The following CKMT2 variants were observed in gnomAD, a reference collection of about 807,000 sequenced individuals.
CKMT2 encodes creatine kinase, mitochondrial 2.
In CKMT2, 43 loss-of-function variants were observed where a neutral mutation model predicts 48.9. The observed-to-expected ratio is 0.88, with a 90% confidence interval of 0.69 to 1.13. The LOEUF (loss-of-function observed/expected upper bound fraction) is 1.13, where lower values mean the gene tolerates loss of function less well. Ranked by LOEUF, CKMT2 falls within the 50% of genes most tolerant of loss-of-function variation. The probability of loss-of-function intolerance (pLI) is 0.00; values close to 1 mark genes in which losing one functional copy is unlikely to be tolerated. For missense variants in CKMT2, 472 were observed against 555.4 expected (o/e 0.85, Z 1.51); for synonymous variants, 206 against 213.0 (o/e 0.97, Z 0.29).
Position 81,255,164 on chromosome 5 carries a change from T to C in CKMT2, c.619T>C (p.Tyr207His), listed in dbSNP as rs2112810637. The change falls in exon 5 of 10, where the codon TAC (tyrosine) becomes CAC (histidine). Residue 207 changes from tyrosine (Y) to histidine (H), a missense_variant. Tyr to His is a moderately conservative substitution (Grantham distance 83). Transcript: ENST00000254035. ...EGLKGDLAGR[Y>H]YKLSEMTEQD... Reference sequence around the variant, plus strand: ...CCTCAAGGGGGACCTGGCTGGCCGCTACTACAAGCTGTCCGAGATGACGGA... The same window carrying C: ...CCTCAAGGGGGACCTGGCTGGCCGCCACTACAAGCTGTCCGAGATGACGGA... The C allele has an allele frequency of 6.2e-7, 1 of 1,614,092 alleles. No individual in the cohort carries two copies. Among genetic ancestry groups the C allele is most frequent in the South Asian group, 1.1e-5 (1 of 91,080 alleles).
intron 1 of CKMT2, among the ~76,000 whole-genome samples, chr5:81,237,411 A>G (rs2112777829): frequency 6.6e-6 from 1 of 152,186 alleles, no homozygotes; most frequent in South Asian, 2.1e-4. Flanking sequence ...TCGGGTGGGT[A>G]CCAAGCAGGG....
rs551968443 is a variant in CKMT2, at chr5:81,255,337, C to A, written c.669+123C>A. On this transcript the variant is annotated intron_variant, in intron 5 of 9. Coordinates refer to ENST00000254035, the MANE Select transcript of CKMT2 (RefSeq NM_001099735.2). Reference sequence around the variant, plus strand: ...GCTGGGAGCTTGCTGGGCTCCACCCCTGAGCTCAGCCCAAGAGCATCTACT... The same window carrying A: ...GCTGGGAGCTTGCTGGGCTCCACCCATGAGCTCAGCCCAAGAGCATCTACT... 5.8e-5 allele frequency: 46 copies of A among 799,658 alleles called. No individual in the cohort carries two copies. The South Asian group carries it at 6.8e-4, about 12-fold the overall frequency. 49.5% of individuals were successfully genotyped at this position (799,658 alleles called of 1,614,324 possible). A position where few individuals can be genotyped will look rare whatever the true frequency, so the allele number is the denominator to read the frequency against.
At chr5:81,252,645 C>G in intron 2 of CKMT2, 50 bp from the exon 3 acceptor site, 1 of 1,591,798 alleles carries the variant, frequency 6.3e-7, no homozygotes, top group South Asian at 1.1e-5. Flanking sequence ...TTCCATTGGC[C>G]CCTTTCCTCG....
intron 3 of CKMT2, 47 bp downstream of exon 3, chr5:81,252,940 T>C (rs1414059118): frequency 1.3e-6 from 2 of 1,596,726 alleles, no homozygotes; most frequent in South Asian, 2.2e-5. Flanking sequence ...ATGCTCTGGA[T>C]ATGACTGACT....
At chr5:81,259,367 C>T (rs1165991392) in intron 8 of CKMT2, 113 bp downstream of exon 8, 1 of 952,768 alleles carries the variant, frequency 1.0e-6, no homozygotes, top group Non-Finnish European at 1.4e-6. Flanking sequence ...TCTCTATCTA[C>T]AATATAAAAA....
chr5:81,254,756 A>G, intron 4 of CKMT2: 2 of 596,550 alleles, frequency 3.4e-6, no homozygotes, highest in Non-Finnish European at 5.9e-6. Context: ...TTCATCCCAA[A>G]CCACCCAGTG....
At chr5:81,234,040 A>AAAC (rs1554044427) in intron 1 of CKMT2, among the ~76,000 whole-genome samples, 2 of 151,328 alleles carry the variant, frequency 1.3e-5, no homozygotes, top group African/African-American at 4.9e-5. Flanking sequence ...AAAAAAAAAA[A>AAAC]AAAAAACCTA....
At chr5:81,264,197 T>C (rs1026883941) in intron 9 of CKMT2, among the ~76,000 whole-genome samples, 1 of 152,238 alleles carries the variant, frequency 6.6e-6, no homozygotes, top group Non-Finnish European at 1.5e-5. Context: ...AAAGGATTCA[T>C]AGACTTTGTG....
At chr5:81,255,603 C>CG (rs1561284483) in intron 5 of CKMT2, among the ~76,000 whole-genome samples, 1 of 152,002 alleles carries the variant, frequency 6.6e-6, no homozygotes, top group Admixed American at 6.6e-5. Flanking sequence ...CTGGAAGCTA[C>CG]AAAAATCTAG....
At chr5:81,249,733 T>C (rs1348602062) in intron 1 of CKMT2, among the ~76,000 whole-genome samples, 1 of 152,232 alleles carries the variant, frequency 6.6e-6, no homozygotes, top group Non-Finnish European at 1.5e-5. Context: ...ATTGATCTGT[T>C]TTTTATCAAT....
intron 9 of CKMT2, among the ~76,000 whole-genome samples, chr5:81,264,427 CT>C (rs1757328117): frequency 6.6e-6 from 1 of 152,224 alleles, no homozygotes; most frequent in Non-Finnish European, 1.5e-5. Flanking sequence ...GTTCTCTCTT[CT>C]TCCTTACCAG....
Position 81,252,719 on chromosome 5 carries a change from G to A in CKMT2, c.177G>A (p.Lys59=). ...PPSADYPDLR[K]HNNCMAECLT... The stretch of plus-strand genomic sequence containing the variant: ...GCGCAGACTACCCAGACCTGCGCAA[G>A]CACAACAACTGCATGGCCGAGTGCC... Residue 59 remains lysine (K), a synonymous_variant, in exon 3 of 10, where the codon AAG becomes AAA. Transcript: ENST00000254035. 6.2e-7 allele frequency: 1 copy of A among 1,614,196 alleles called. No individual in the cohort carries two copies. The highest frequency in any genetic ancestry group is 1.6e-4 in the Middle Eastern group (1 of 6,062).
At chr5:81,257,251 G>A (rs1273158736) in intron 6 of CKMT2, among the ~76,000 whole-genome samples, 1 of 151,834 alleles carries the variant, frequency 6.6e-6, no homozygotes, top group Admixed American at 6.6e-5. Context: ...TGTGCCTGAA[G>A]GAGCAGAAAT....
Position 81,259,212 on chromosome 5 carries a change from A to C in CKMT2, c.972A>C (p.Gly324=). The change falls in exon 8 of 10, where the codon GGA becomes GGC. Residue 324 remains glycine, a synonymous_variant. Transcript: ENST00000254035. The part of the protein sequence containing the change: ...ILTCPSNLGT[G]LRAGVHVRIP... ...CCTGTCCTTCGAACCTTGGAACAGG[A>C]CTACGAGCTGGTGTCCACGTTAGGA... 4 of 1,614,088 alleles carry C rather than the reference A, an allele frequency of 2.5e-6. No individual in the cohort carries two copies. Among genetic ancestry groups the C allele is most frequent in the East Asian group, 2.2e-5 (1 of 44,866 alleles).
At chr5:81,260,964 T>G (rs1207644369) in intron 8 of CKMT2, among the ~76,000 whole-genome samples, 1 of 152,240 alleles carries the variant, frequency 6.6e-6, no homozygotes, top group Non-Finnish European at 1.5e-5. Flanking sequence ...GTGAAAATCC[T>G]CAATAAAATA....
chr5:81,238,791 G>C (rs1371289634), intron 1 of CKMT2: 1 of 152,356 alleles, frequency 6.6e-6, no homozygotes, highest in Non-Finnish European at 1.5e-5. Flanking sequence ...ACCTCTTCTA[G>C]AAAGCCCTCT....
At chr5:81,234,979 G>A (rs922909000) in intron 1 of CKMT2, among the ~76,000 whole-genome samples, 29 of 152,180 alleles carry the variant, frequency 1.9e-4, no homozygotes, top group Admixed American at 1.9e-3. Flanking sequence ...GTGACTGCTG[G>A]AGGTCACACT....
rs1419042997 is a variant in CKMT2 at position 81,263,509 on chromosome 5, A to G, written c.1033A>G (p.Ile345Val). 2 of 1,612,964 alleles carry G rather than the reference A, an allele frequency of 1.2e-6. No homozygotes were observed. Among genetic ancestry groups the G allele is most frequent in the Middle Eastern group, 3.3e-4 (2 of 6,052 alleles). The change falls in exon 9 of 10, where the codon ATC becomes GTC. Residue 345 changes from isoleucine to valine, a missense_variant. By Grantham distance (29) the Ile-to-Val change is conservative. Coordinates refer to ENST00000254035, the MANE Select transcript of CKMT2 (RefSeq NM_001099735.2). ...GTCCTAGGACCCACGCTTTTCTAAGATCCTGGAAAACCTAAGACTCCAGAA... is the reference window on the plus strand; with the variant it reads ...GTCCTAGGACCCACGCTTTTCTAAGGTCCTGGAAAACCTAAGACTCCAGAA... ...KLSKDPRFSK[I>V]LENLRLQKRG...
At chr5:81,260,509 A>C (rs1757178218) in intron 8 of CKMT2, among the ~76,000 whole-genome samples, 1 of 152,214 alleles carries the variant, frequency 6.6e-6, no homozygotes, top group African/African-American at 2.4e-5. Context: ...TCAAACAGAC[A>C]CAATAAAAAG....
Sources: allele counts gnomAD v4.1 joint callset (sites outside exome capture counted in the v4.1 genomes callset), GRCh38; gene constraint gnomAD v4.1.1; transcripts MANE v1.5; gene names NCBI Gene and HGNC (gene_info 2026-07-23, HGNC 2026-07-21).